Variants in SPTBN4 observed in about 807,000 individuals in gnomAD.
SPTBN4 encodes spectrin beta, non-erythrocytic 4.
Under a neutral mutation model 277.8 loss-of-function variants are expected in SPTBN4, and 96 were observed. The observed-to-expected ratio is 0.35, with a 90% CI of 0.29 to 0.41. The LOEUF (loss-of-function observed/expected upper bound fraction) is 0.41, where lower values mean the gene tolerates loss of function less well. Ranked by LOEUF, SPTBN4 falls within the 10% of genes least tolerant of loss-of-function variation. The probability of loss-of-function intolerance (pLI) is 1.00; values close to 1 mark genes in which losing one functional copy is unlikely to be tolerated. For synonymous variants in SPTBN4, 1,481 were observed against 1,580.3 expected (o/e 0.94, Z 1.49); for missense variants, 3,006 against 3,595.7 (o/e 0.84, Z 4.19).
chr19:40,481,350 C>T (rs537607492), intron 2 of SPTBN4, among the ~76,000 whole-genome samples: 2 of 152,230 alleles, frequency 1.3e-5, no homozygotes, highest in East Asian at 1.9e-4. Context: ...GCCATGCGCC[C>T]GGCCAAGTGA....
chr19:40,533,120 C>G (rs1439755157), intron 19 of SPTBN4, among the ~76,000 whole-genome samples: 2 of 152,102 alleles, frequency 1.3e-5, no homozygotes, highest in East Asian at 1.9e-4. Context: ...GGGACAGACC[C>G]TGGGAAGCCC....
At position 40,554,215 on chromosome 19, in the gene SPTBN4, G is replaced by A. The variant is rs1477940533; in HGVS notation, c.4743G>A (p.Leu1581=). The change falls in exon 23 of 36, where the codon CTG becomes CTA. Residue 1581 remains leucine, a synonymous_variant. Coordinates refer to ENST00000598249, the MANE Select transcript of SPTBN4 (RefSeq NM_020971.3). This position sits in a 1 kb window ranked among gnomAD's most constrained non-coding sequence, Gnocchi z 5.7. ...AGGTGCTGGAGCGCGCGGGCGCGCT[G>A]GCGTCGCTGCGCAGCCCGGAGGCAG... is the stretch of plus-strand genomic sequence containing the variant. ...LEEVLERAGA[L]ASLRSPEAEA... is the part of the protein sequence containing the mutation. 1.3e-6 allele frequency: 2 copies of A among 1,490,106 alleles called. No homozygotes were observed. Among genetic ancestry groups the A allele is most frequent in the Non-Finnish European group, 1.8e-6 (2 of 1,131,834 alleles). 92.3% of individuals were successfully genotyped at this position (1,490,106 alleles called of 1,614,324 possible).
At chr19:40,530,597 G>A in intron 18 of SPTBN4, 1 of 979,980 alleles carries the variant, frequency 1.0e-6, no homozygotes. Flanking sequence ...TCAGGTCTCG[G>A]GGGCGCCCAG....
Position 40,512,720 on chromosome 19 carries a change from G to A in SPTBN4, c.1931G>A (p.Arg644Gln). ...ARRRAELEAS[R>Q]SLWALLQELE... The stretch of plus-strand genomic sequence containing the variant: ...CGACGCGCGGAGCTGGAGGCTTCGC[G>A]GAGCCTGTGGGCGCTGCTGCAGGAG... The change falls in exon 14 of 36, where the codon CGG (arginine) becomes CAG (glutamine). Residue 644 changes from arginine (R) to glutamine (Q), a missense_variant. By Grantham distance (43) the Arg-to-Gln change is conservative (BLOSUM62 1). Transcript: ENST00000598249. 3 of 1,524,340 alleles carry A rather than the reference G, an allele frequency of 2.0e-6. No homozygotes were observed. Among genetic ancestry groups the A allele is most frequent in the Non-Finnish European group, 2.6e-6 (3 of 1,142,820 alleles). The allele number at this position is 1,524,340 out of a possible 1,614,324, so 94.4% of individuals were successfully genotyped here.
intron 26 of SPTBN4, 89 bp downstream of exon 26, chr19:40,557,492 C>A (rs539538730): frequency 3.5e-6 from 5 of 1,441,492 alleles, no homozygotes; most frequent in South Asian, 2.9e-5. Context: ...TGGAGCAGGT[C>A]GAAATTAGGC....
chr19:40,531,562 G>A (rs747155650), intron 18 of SPTBN4, among the ~76,000 whole-genome samples: 6 of 131,246 alleles, frequency 4.6e-5, no homozygotes, highest in Non-Finnish European at 7.8e-5. Flanking sequence ...GGAGCAAACT[G>A]TTTCAGGTGC....
rs1052090535 is a variant in SPTBN4, at chr19:40,515,506, C to G, written c.2903+58C>G. 1 of 1,470,488 alleles carries G rather than the reference C, an allele frequency of 6.8e-7. No homozygotes were observed. The highest frequency in any genetic ancestry group is 1.4e-5 in the African/African-American group (1 of 69,862). 91.1% of individuals were successfully genotyped at this position (1,470,488 alleles called of 1,614,324 possible). On this transcript the variant is annotated intron_variant, in intron 15 of 35. Coordinates refer to ENST00000598249, the MANE Select transcript of SPTBN4 (RefSeq NM_020971.3). This position sits in a 1 kb window ranked among gnomAD's most constrained non-coding sequence, Gnocchi z 4.1. ...TCCTTCCCTTCCACACTCACACAGC[C>G]ATGGACAGCAAGATGTGCAATCTCA...
intron 35 of SPTBN4, among the ~76,000 whole-genome samples, chr19:40,574,838 A>G (rs1490877939): frequency 6.6e-6 from 1 of 151,584 alleles, no homozygotes; most frequent in African/African-American, 2.4e-5. Context: ...AACGTGGCGA[A>G]ACCCCATCTC....
Position 40,529,121 on chromosome 19 carries a change from A to C in SPTBN4, c.3938A>C (p.Asp1313Ala), listed in dbSNP as rs753623126. 1 of 1,613,862 alleles carries C rather than the reference A, an allele frequency of 6.2e-7. No individual in the cohort carries two copies. Residue 1313 changes from aspartate to alanine, a missense_variant, in exon 18 of 36, where the codon GAC becomes GCC. Asp to Ala is a moderately radical substitution (Grantham distance 126). Transcript: ENST00000598249. ...CTTGAGCTGCAGCACTTCCTCCGAGACTGCCACGAGGTAGGAACTCCAGGT... is the reference window on the plus strand; with the variant it reads ...CTTGAGCTGCAGCACTTCCTCCGAGCCTGCCACGAGGTAGGAACTCCAGGT... ...DQLELQHFLRDCHELDGWIHE... is the reference protein window; with the variant it reads ...DQLELQHFLRACHELDGWIHE...
chr19:40,567,814 G>A lies in SPTBN4; in HGVS notation c.6488G>A (p.Arg2163Gln). 1.3e-5 allele frequency: 20 copies of A among 1,515,560 alleles called. No individual in the cohort carries two copies. Among genetic ancestry groups the A allele is most frequent in the Non-Finnish European group, 1.8e-5 (20 of 1,129,854 alleles). The allele number at this position is 1,515,560 out of a possible 1,614,324, so 93.9% of individuals were successfully genotyped here. The change falls in exon 31 of 36, where the codon CGA becomes CAA. Residue 2163 changes from arginine (R) to glutamine (Q), a missense_variant. Coordinates refer to ENST00000598249, the MANE Select transcript of SPTBN4 (RefSeq NM_020971.3). ...AGGGGCTTGGAGCCCCTGGCCCGCC[G>A]AGCCTCGGACACGCTCTCGGCCGAG... ...YERGLEPLAR[R>Q]ASDTLSAEVR...
In SPTBN4 at chr19:40,549,236, G is replaced by C; in HGVS notation, c.4407G>C (p.Leu1469=). ...AGTGGTACCGCGAGGTGGGAGAGCT[G>C]CAGGCGCAGACGGCGGCGCTGCCGC... ...VEEWYREVGE[L]QAQTAALPLE... is the part of the protein sequence containing the mutation. The change falls in exon 21 of 36, where the codon CTG becomes CTC. Residue 1469 remains leucine (L), a synonymous_variant. Transcript: ENST00000598249. 2 of 1,548,644 alleles carry C rather than the reference G, an allele frequency of 1.3e-6. No homozygotes were observed. The highest frequency in any genetic ancestry group is 1.7e-6 in the Non-Finnish European group (2 of 1,147,284).
intron 17 of SPTBN4, chr19:40,524,691 C>T: frequency 2.2e-6 from 1 of 448,262 alleles, no homozygotes; most frequent in East Asian, 7.1e-5. Flanking sequence ...AAATATTTTG[C>T]ATAAGCACCT....
At chr19:40,572,520 G>A (rs1394239016) in intron 35 of SPTBN4, 140 bp downstream of exon 35, 6 of 1,087,984 alleles carry the variant, frequency 5.5e-6, no homozygotes, top group Admixed American at 2.0e-5. Context: ...AAGCCCACAG[G>A]CACTGAGAGC....
intron 7 of SPTBN4, among the ~76,000 whole-genome samples, chr19:40,501,715 G>A (rs958893875): frequency 2.0e-5 from 3 of 152,076 alleles, no homozygotes; most frequent in African/African-American, 4.8e-5. Flanking sequence ...ATTTCTCTGC[G>A]GTGGTTTATA....
intron 22 of SPTBN4, among the ~76,000 whole-genome samples, chr19:40,551,016 AATC>A (rs2080912339): frequency 6.6e-6 from 1 of 152,282 alleles, no homozygotes; most frequent in African/African-American, 2.4e-5. Context: ...TCCCTGAACT[AATC>A]ATGATGGATG....
At chr19:40,529,981 G>C (rs1599770035) in intron 18 of SPTBN4, among the ~76,000 whole-genome samples, 2 of 152,132 alleles carry the variant, frequency 1.3e-5, no homozygotes, top group East Asian at 3.9e-4. Context: ...CTCCGCACAC[G>C]GAATAAACAA....
At chr19:40,549,482 C>T in intron 21 of SPTBN4, 69 bp downstream of exon 21, 1 of 1,184,290 alleles carries the variant, frequency 8.4e-7, no homozygotes, top group Non-Finnish European at 1.1e-6. Context: ...GGGCATGGGG[C>T]GGGGCTGAAG....
Position 40,567,111 on chromosome 19 carries a change from G to A in SPTBN4, c.6337-552G>A, listed in dbSNP as rs149256690. On this transcript the variant is annotated intron_variant, in intron 30 of 35. Transcript: ENST00000598249. ...AGCCTTGGCAACATACTGAGAAGCC[G>A]TCTCTACCAAAACCAAAAGCAAACA... 48 of 455,160 alleles carry A rather than the reference G, an allele frequency of 1.1e-4. No homozygotes were observed. The East Asian group carries it at 2.0e-3, about 19-fold the overall frequency. 28.2% of individuals were successfully genotyped at this position (455,160 alleles called of 1,614,324 possible). A position where few individuals can be genotyped will look rare whatever the true frequency, so the allele number is the denominator to read the frequency against.
chr19:40,474,851 C>T (rs772821733), intron 2 of SPTBN4, among the ~76,000 whole-genome samples: 7 of 152,012 alleles, frequency 4.6e-5, no homozygotes, highest in African/African-American at 7.2e-5. Flanking sequence ...GAGATCACAC[C>T]ATTTCAATCC....
Sources: gnomAD v4.1 joint callset for allele counts (sites outside exome capture counted in the v4.1 genomes callset) on GRCh38, gnomAD v4.1.1 for gene constraint, Gnocchi (gnomAD v3.1) non-coding constraint, MANE v1.5 for transcripts, NCBI Gene and HGNC (gene_info 2026-07-23, HGNC 2026-07-21) for gene names.